The following FER variants were observed in gnomAD, a reference collection of about 807,000 sequenced individuals.
FER encodes tyrosine-protein kinase Fer.
A neutral mutation model predicts 111.0 loss-of-function variants in FER; 63 were observed. The observed-to-expected ratio is 0.57, with a 90% CI of 0.46 to 0.70. The LOEUF is 0.70. Among genes scored for constraint, FER ranks in the 30% least tolerant of loss-of-function variants. The pLI is 0.00. For synonymous variants in FER, 327 were observed against 313.9 expected (o/e 1.04, Z -0.44); for missense variants, 914 against 954.0 (o/e 0.96, Z 0.55).
chr5:108,854,782 A>G (rs1762837670), intron 5 of FER, among the ~76,000 whole-genome samples: 1 of 151,962 alleles, frequency 6.6e-6, no homozygotes, highest in Non-Finnish European at 1.5e-5. Context: ...GTCTCTACTA[A>G]AAATACAAAA....
intron 10 of FER, among the ~76,000 whole-genome samples, chr5:108,918,308 T>C (rs540416631): frequency 1.3e-5 from 2 of 152,218 alleles, no homozygotes; most frequent in South Asian, 4.1e-4. Flanking sequence ...CTAAAGCTAA[T>C]GTAGGAAGGA....
chr5:108,817,900 T>C (rs949549240), intron 3 of FER: 1 of 152,210 alleles, frequency 6.6e-6, no homozygotes, highest in Admixed American at 6.5e-5. Context: ...TATTTACCTC[T>C]ATAGTCTTCC....
At chr5:109,155,376 G>A (rs1364925866) in intron 17 of FER, among the ~76,000 whole-genome samples, 3 of 151,876 alleles carry the variant, frequency 2.0e-5, no homozygotes, top group African/African-American at 7.2e-5. Flanking sequence ...GTTCAAACTA[G>A]GAAGAATAGA....
chr5:109,111,823 C>A (rs1196067522), intron 17 of FER, among the ~76,000 whole-genome samples: 4 of 152,086 alleles, frequency 2.6e-5, no homozygotes, highest in Non-Finnish European at 5.9e-5. Flanking sequence ...CAATCACCTC[C>A]CATCAGGTCC....
At chr5:109,009,169 T>C (rs1765905270) in intron 13 of FER, among the ~76,000 whole-genome samples, 1 of 149,780 alleles carries the variant, frequency 6.7e-6, no homozygotes, top group Admixed American at 6.7e-5. Flanking sequence ...TGCCTTAGTC[T>C]CCCAAGTAGG....
intron 13 of FER, among the ~76,000 whole-genome samples, chr5:109,003,068 A>G (rs1386261369): frequency 2.0e-5 from 3 of 152,218 alleles, no homozygotes; most frequent in Non-Finnish European, 2.9e-5. Flanking sequence ...GCGATTCCTC[A>G]GGGATCTAGA....
chr5:108,921,921 C>T (rs1209840809), intron 10 of FER, among the ~76,000 whole-genome samples: 4 of 152,058 alleles, frequency 2.6e-5, no homozygotes, highest in Non-Finnish European at 5.9e-5. Context: ...ATACTAAATA[C>T]CTGTGTATGT....
At chr5:109,101,865 G>A (rs942579122) in intron 17 of FER, among the ~76,000 whole-genome samples, 2 of 152,070 alleles carry the variant, frequency 1.3e-5, no homozygotes, top group Admixed American at 1.3e-4. Flanking sequence ...AGGTATTGAG[G>A]TGCTTCAAAT....
intron 13 of FER, among the ~76,000 whole-genome samples, chr5:108,980,638 T>C (rs893118394): frequency 1.3e-5 from 2 of 152,100 alleles, no homozygotes; most frequent in African/African-American, 4.8e-5. Context: ...CTTTGCAAGA[T>C]CAAAGGAAGC....
chr5:108,848,380 C>G (rs1762228945), intron 5 of FER, among the ~76,000 whole-genome samples: 1 of 152,022 alleles, frequency 6.6e-6, no homozygotes, highest in Non-Finnish European at 1.5e-5. Context: ...TCTTTTTGTT[C>G]CACGTATTCT....
At chr5:108,892,681 G>A (rs911339529) in intron 9 of FER, among the ~76,000 whole-genome samples, 19 of 152,034 alleles carry the variant, frequency 1.2e-4, no homozygotes, top group East Asian at 5.8e-4. Flanking sequence ...ATTAGATCCC[G>A]TTTGTCAATT....
chr5:109,152,278 T>A (rs528443522), intron 17 of FER, among the ~76,000 whole-genome samples: 13 of 152,118 alleles, frequency 8.5e-5, no homozygotes, highest in South Asian at 2.1e-4. Context: ...AGATTTTTTT[T>A]AAATCCCAAA....
intron 16 of FER, among the ~76,000 whole-genome samples, chr5:109,055,323 C>G (rs1773475479): frequency 6.6e-6 from 1 of 152,048 alleles, no homozygotes; most frequent in African/African-American, 2.4e-5. Context: ...AGGACTATAT[C>G]AAACTGAAAA....
intron 16 of FER, among the ~76,000 whole-genome samples, chr5:109,068,769 T>C (rs1435928710): frequency 6.6e-6 from 1 of 152,248 alleles, no homozygotes; most frequent in Non-Finnish European, 1.5e-5. Flanking sequence ...GTAAAGAATG[T>C]GGCTCATTTC....
chr5:109,107,786 T>G (rs1749122329), intron 17 of FER, among the ~76,000 whole-genome samples: 1 of 152,148 alleles, frequency 6.6e-6, no homozygotes, highest in East Asian at 1.9e-4. Context: ...AACGTGTTGC[T>G]GCTCATTTTC....
chr5:108,993,173 G>T lies in FER; in HGVS notation c.1656+33826G>T, dbSNP rs2149754547. Among the ~76,000 whole-genome samples, 2 of 152,334 alleles carry T rather than the reference G, an allele frequency of 1.3e-5. 1 individual carries two copies. Among genetic ancestry groups the T allele is most frequent in the Admixed American group, 1.3e-4 (2 of 15,304 alleles). On this transcript the variant is annotated intron_variant, in intron 13 of 19. Coordinates refer to ENST00000281092, the MANE Select transcript of FER (RefSeq NM_005246.4). ...AGAGGCTGCAATCTCAGCACTTTGG[G>T]AGGCCAAGGCAGGCGGCTGGGAGGT...
intron 5 of FER, among the ~76,000 whole-genome samples, chr5:108,839,932 A>G (rs117959376): frequency 0.035 from 5,272 of 152,264 alleles, 159 homozygotes; most frequent in South Asian, 0.11. Flanking sequence ...GACTGACTTT[A>G]ATTTACACAG....
At chr5:109,111,790 T>C (rs954094653) in intron 17 of FER, among the ~76,000 whole-genome samples, 2 of 152,064 alleles carry the variant, frequency 1.3e-5, no homozygotes, top group African/African-American at 4.8e-5. Context: ...GAGAACAGCA[T>C]GGGGAAAACC....
At chr5:109,018,339 C>T (rs192513675) in intron 13 of FER, among the ~76,000 whole-genome samples, 51 of 151,808 alleles carry the variant, frequency 3.4e-4, no homozygotes, top group South Asian at 1.0e-3. Flanking sequence ...TAAAGATTTG[C>T]GACTGATAAC....
Sources: allele counts gnomAD v4.1 joint callset (sites outside exome capture counted in the v4.1 genomes callset), GRCh38; gene constraint gnomAD v4.1.1; transcripts MANE v1.5; gene names NCBI Gene and HGNC (gene_info 2026-07-23, HGNC 2026-07-21).